RCC1L: variants seen among roughly 807,000 people sequenced by gnomAD.
The protein encoded by RCC1L is RCC1-like G exchanging factor-like protein.
A neutral mutation model predicts 58.6 loss-of-function variants in RCC1L; 46 were observed. The ratio of observed to expected loss-of-function variants is 0.79; its 90% confidence interval spans 0.62 to 1.00. The LOEUF (loss-of-function observed/expected upper bound fraction) is 1.00. Ranked by LOEUF, RCC1L falls within the 50% of genes least tolerant of loss-of-function variation. RCC1L has a pLI of 0.00. For missense variants in RCC1L, 636 were observed against 623.6 expected (o/e 1.02, Z -0.21); for synonymous variants, 281 against 262.9 (o/e 1.07, Z -0.67).
At chr7:75,059,195 A>AG (rs1327498575) in intron 6 of RCC1L, among the ~76,000 whole-genome samples, 1 of 150,576 alleles carries the variant, frequency 6.6e-6, no homozygotes, top group Non-Finnish European at 1.5e-5. Context: ...CTCAAAAAAA[A>AG]AAAAAAAAGA....
chr7:75,042,500 C>A lies in RCC1L; in HGVS notation c.*532G>T, dbSNP rs1805595260. On this transcript the variant is annotated 3_prime_UTR_variant, in exon 11 of 11. Coordinates refer to ENST00000610322, the MANE Select transcript of RCC1L (RefSeq NM_030798.5). ...GGCCACGGTGCTTCTAGTGTCCCCC[C>A]AGCGAGCTTGCGGTGTGGCAGGCGG... is the stretch of plus-strand genomic sequence containing the variant. 2 of 990,860 alleles carry A rather than the reference C, an allele frequency of 2.0e-6. No individual in the cohort carries two copies. Among genetic ancestry groups the A allele is most frequent in the South Asian group, 9.1e-5 (2 of 21,936 alleles). The allele number at this position is 990,860 out of a possible 1,614,324, so 61.4% of individuals were successfully genotyped here. A position where few individuals can be genotyped will look rare whatever the true frequency, so the allele number is the denominator to read the frequency against.
At chr7:75,067,458 C>T (rs973800410) in intron 2 of RCC1L, among the ~76,000 whole-genome samples, 8 of 151,798 alleles carry the variant, frequency 5.3e-5, no homozygotes, top group Non-Finnish European at 1.2e-4. Context: ...GTGAAACCCC[C>T]GTCTCTACTA....
chr7:75,057,693 G>T, intron 7 of RCC1L, 77 bp from the exon 8 acceptor site: 1 of 1,279,734 alleles, frequency 7.8e-7, no homozygotes. Flanking sequence ...CTTAGGTACA[G>T]AGTAGCTGAG....
At chr7:75,073,246 C>T (rs1554446411) in intron 1 of RCC1L, among the ~76,000 whole-genome samples, 168 bp downstream of exon 1, 1 of 152,256 alleles carries the variant, frequency 6.6e-6, no homozygotes, top group Non-Finnish European at 1.5e-5. Flanking sequence ...ATGTTGATGG[C>T]CACCCCTAAC....
chr7:75,029,285 CA>C (rs1805230770), intron 10 of RCC1L, among the ~76,000 whole-genome samples: 2 of 151,914 alleles, frequency 1.3e-5, no homozygotes, highest in Admixed American at 6.6e-5. Context: ...GATGTGGTGA[CA>C]ACCAGGGCTT....
intron 4 of RCC1L, among the ~76,000 whole-genome samples, chr7:75,063,693 C>A (rs1387930827): frequency 6.6e-6 from 1 of 151,952 alleles, no homozygotes; most frequent in Non-Finnish European, 1.5e-5. Context: ...CCGAGGTGGG[C>A]GGATCACTTG....
rs1277200000 is a variant in RCC1L, at chr7:75,042,423, C to T, written c.*609G>A. On this transcript the variant is annotated 3_prime_UTR_variant, in exon 11 of 11. Transcript: ENST00000610322. ...TAACTTTTCCAAGCCAGGCAGTGAG[C>T]GTGGTGGGAGGCTGGGGCTGGTGCC... is the stretch of plus-strand genomic sequence containing the variant. 17 of 986,158 alleles carry T rather than the reference C, an allele frequency of 1.7e-5. No individual in the cohort carries two copies. The highest frequency in any genetic ancestry group is 9.4e-5 in the South Asian group (2 of 21,324). 61.1% of individuals were successfully genotyped at this position (986,158 alleles called of 1,614,324 possible).
chr7:75,059,240 A>G (rs1382225927), intron 6 of RCC1L, among the ~76,000 whole-genome samples: 1 of 150,738 alleles, frequency 6.6e-6, no homozygotes, highest in Non-Finnish European at 1.5e-5. Context: ...AAGAAACCCT[A>G]ATCTGCTTAG....
downstream of RCC1L, among the ~76,000 whole-genome samples, chr7:75,041,732 C>T (rs926534669): frequency 1.1e-4 from 17 of 151,800 alleles, no homozygotes; most frequent in African/African-American, 3.6e-4. Flanking sequence ...GGTGTGGTGG[C>T]GCACACTTGT....
intron 3 of RCC1L, 25 bp from the exon 4 acceptor site, chr7:75,064,673 TC>T (rs1806399922): frequency 6.2e-7 from 1 of 1,612,414 alleles, no homozygotes; most frequent in Non-Finnish European, 8.5e-7. Flanking sequence ...ACCAATCAAA[TC>T]AGTTCTGCAG....
intron 10 of RCC1L, among the ~76,000 whole-genome samples, chr7:75,048,665 G>A (rs1370086298): frequency 6.6e-6 from 1 of 152,234 alleles, no homozygotes; most frequent in Admixed American, 6.5e-5. Flanking sequence ...GGCGCTCCCT[G>A]GGGGATGAGG....
chr7:75,056,671 C>A lies in RCC1L; in HGVS notation c.1058-597G>T, dbSNP rs1226184275. 120 of 1,535,394 alleles carry A rather than the reference C, an allele frequency of 7.8e-5. 1 individual carries two copies. The African/African-American group carries it at 1.4e-3, about 18-fold the overall frequency. On this transcript the variant is annotated intron_variant, in intron 8 of 10. Coordinates refer to ENST00000610322, the MANE Select transcript of RCC1L (RefSeq NM_030798.5). The stretch of plus-strand genomic sequence containing the variant: ...GCTAAGGGAGGGGAATGAAGTAGTT[C>A]GCTCTCCACTCCAGAGGTTTGCTCT...
chr7:75,069,369 G>A (rs900186992), intron 2 of RCC1L, among the ~76,000 whole-genome samples: 9 of 151,032 alleles, frequency 6.0e-5, no homozygotes, highest in African/African-American at 9.7e-5. Flanking sequence ...ATTCTTTTTC[G>A]TTTTTCATTT....
chr7:75,030,352 G>A (rs1805266962), intron 10 of RCC1L, among the ~76,000 whole-genome samples: 1 of 152,324 alleles, frequency 6.6e-6, no homozygotes, highest in African/African-American at 2.4e-5. Context: ...TTGTTGTCAG[G>A]CCTTGAGTGC....
At chr7:75,069,193 CT>C (rs1312807869) in intron 2 of RCC1L, among the ~76,000 whole-genome samples, 2 of 148,430 alleles carry the variant, frequency 1.3e-5, no homozygotes, top group Admixed American at 6.7e-5. Context: ...GGAACTCTTT[CT>C]TTTTTCTTTT....
chr7:75,056,216 G>A lies in RCC1L; in HGVS notation c.1058-142C>T. The A allele has an allele frequency of 4.0e-6, 4 of 997,898 alleles. No individual in the cohort carries two copies. The East Asian group carries it at 9.8e-5, about 24-fold the overall frequency. The allele number at this position is 997,898 out of a possible 1,614,324, so 61.8% of individuals were successfully genotyped here. A position where few individuals can be genotyped will look rare whatever the true frequency, so the allele number is the denominator to read the frequency against. On this transcript the variant is annotated intron_variant, in intron 8 of 10. Coordinates refer to ENST00000610322, the MANE Select transcript of RCC1L (RefSeq NM_030798.5). The stretch of plus-strand genomic sequence containing the variant: ...TTTTTGTTTTGTTTTTTTCCTCCTT[G>A]CTTGGCAAGAACATGCAGACAGAGA...
chr7:75,036,480 A>T (rs1805433093), intron 10 of RCC1L, among the ~76,000 whole-genome samples: 1 of 152,112 alleles, frequency 6.6e-6, no homozygotes, highest in East Asian at 1.9e-4. Flanking sequence ...GTGGCAGACC[A>T]GCCACAAGAC....
chr7:75,047,415 C>G (rs1015292804), intron 10 of RCC1L, among the ~76,000 whole-genome samples: 1 of 152,148 alleles, frequency 6.6e-6, no homozygotes, highest in African/African-American at 2.4e-5. Context: ...TACAGGCACA[C>G]GCCACTGCAC....
intron 9 of RCC1L, among the ~76,000 whole-genome samples, chr7:75,053,667 G>C (rs1319193014): frequency 2.0e-5 from 3 of 152,170 alleles, no homozygotes; most frequent in African/African-American, 7.2e-5. Flanking sequence ...GCCTCTCCTA[G>C]CCCGGCCTTC....
Sources: gnomAD v4.1 joint callset for allele counts (sites outside exome capture counted in the v4.1 genomes callset) on GRCh38, gnomAD v4.1.1 for gene constraint, MANE v1.5 for transcripts, NCBI Gene and HGNC (gene_info 2026-07-23, HGNC 2026-07-21) for gene names.